NR2C2: variants seen among roughly 807,000 people sequenced by gnomAD.
NR2C2 encodes Nuclear hormone receptor TR4.
In NR2C2, 6 loss-of-function variants were observed where a neutral mutation model predicts 62.9. That is an observed-to-expected ratio of 0.10 (90% CI 0.05 to 0.19). NR2C2 has a LOEUF of 0.19. Ranked by LOEUF, NR2C2 falls within the 10% of genes least tolerant of loss-of-function variation. The pLI is 1.00. For synonymous variants in NR2C2, 272 were observed against 273.8 expected, an observed-to-expected ratio of 0.99 and a Z score of 0.07; for missense variants, 479 against 762.7, an observed-to-expected ratio of 0.63 and a Z score of 4.38.
intron 11 of NR2C2, 36 bp from the exon 12 acceptor site, chr3:15,037,964 C>G: frequency 6.3e-7 from 1 of 1,596,048 alleles, no homozygotes; most frequent in Non-Finnish European, 8.5e-7. Context: ...ATTGTTCTTA[C>G]CAGCCTTTCT....
rs1324501457 is a variant in NR2C2, at chr3:15,043,282, A to C, written c.*274A>C. ...GTATTTAGAAATTCTCAAAGGGCAA[A>C]AAACAAAAAAAAAGGTTTTATAATG... On this transcript the variant is annotated 3_prime_UTR_variant, in exon 14 of 14. Coordinates refer to ENST00000425241, the MANE Select transcript of NR2C2 (RefSeq NM_001291694.2). The C allele has an allele frequency of 3.8e-6, 1 of 263,740 alleles. No individual in the cohort carries two copies. The highest frequency in any genetic ancestry group is 7.1e-6 in the Non-Finnish European group (1 of 141,332). The allele number at this position is 263,740 out of a possible 1,614,324, so 16.3% of individuals were successfully genotyped here.
chr3:15,023,552 C>T (rs2041736090), intron 6 of NR2C2, among the ~76,000 whole-genome samples: 1 of 152,232 alleles, frequency 6.6e-6, no homozygotes. Context: ...GTCAGAAATT[C>T]TCCTAGCCTT....
intron 1 of NR2C2, among the ~76,000 whole-genome samples, chr3:14,991,373 G>C (rs2040665648): frequency 6.6e-6 from 1 of 152,200 alleles, no homozygotes; most frequent in South Asian, 2.1e-4. Flanking sequence ...CACAAAGGGG[G>C]TTAATCTCTT....
intron 7 of NR2C2, among the ~76,000 whole-genome samples, chr3:15,024,960 C>A (rs2041780877): frequency 6.6e-6 from 1 of 152,218 alleles, no homozygotes; most frequent in African/African-American, 2.4e-5. Context: ...TACAGGGCAT[C>A]CTCTTTTGGG....
At chr3:15,007,887 T>A (rs1449800977) in intron 2 of NR2C2, among the ~76,000 whole-genome samples, 2 of 152,202 alleles carry the variant, frequency 1.3e-5, no homozygotes, top group African/African-American at 2.4e-5. Context: ...TTCATAGATA[T>A]ATAAATGGAG....
intron 1 of NR2C2, among the ~76,000 whole-genome samples, chr3:14,985,345 C>T (rs1034458533): frequency 2.6e-5 from 4 of 151,992 alleles, no homozygotes; most frequent in Admixed American, 2.0e-4. Flanking sequence ...TTAAAATCTT[C>T]GCCTAATCCA....
chr3:15,008,358 T>TA (rs1020288423), intron 2 of NR2C2, among the ~76,000 whole-genome samples: 1 of 151,434 alleles, frequency 6.6e-6, no homozygotes, highest in African/African-American at 2.4e-5. Context: ...GTCATCTCTA[T>TA]AAAAAATACA....
At chr3:15,038,232 C>T in intron 12 of NR2C2, 95 bp downstream of exon 12, 2 of 1,311,086 alleles carry the variant, frequency 1.5e-6, no homozygotes, top group Admixed American at 2.4e-5. Flanking sequence ...GTAGAAAGAG[C>T]CCTGCAGATT....
Position 15,037,209 on chromosome 3 carries a change from TTGTGTGTG to T in NR2C2, c.1373-767_1373-760del, listed in dbSNP as rs373045181. On this transcript the variant is annotated intron_variant, in intron 11 of 13. Coordinates refer to ENST00000425241, the MANE Select transcript of NR2C2 (RefSeq NM_001291694.2). Reference sequence around the variant, plus strand: ...TTTTTGTTGTGTTATTGTTTTTTGTTTGTGTGTGTGTGTGTGTGTGTGTGTGTGTGTTT... The same window carrying T: ...TTTTTGTTGTGTTATTGTTTTTTGTTTGTGTGTGTGTGTGTGTGTGTGTTT... Among the ~76,000 whole-genome samples the T allele has an allele frequency of 1.8e-3, 238 of 130,296 alleles. 1 individual carries two copies. Among genetic ancestry groups the T allele is most frequent in the African/African-American group, 6.0e-3 (203 of 33,882 alleles). 85.5% of individuals were successfully genotyped at this position (130,296 alleles called of 152,430 possible).
In NR2C2 at chr3:15,013,659, A is replaced by G. The variant is rs973869457; in HGVS notation, c.143A>G (p.Lys48Arg). 6.2e-7 allele frequency: 1 copy of G among 1,614,188 alleles called. No individual in the cohort carries two copies. Among genetic ancestry groups the G allele is most frequent in the Non-Finnish European group, 8.5e-7 (1 of 1,180,036 alleles). The change falls in exon 3 of 14, where the codon AAA becomes AGA. Residue 48 changes from lysine (K) to arginine (R), a missense_variant. Coordinates refer to ENST00000425241, the MANE Select transcript of NR2C2 (RefSeq NM_001291694.2). The stretch of plus-strand genomic sequence containing the variant: ...GCAGTGGACGCCTCCGGATCCCCCA[A>G]ACAGCAGTTCATCCTGACCAGCCCA... ...VTAVDASGSPKQQFILTSPDG... is the reference protein window; with the variant it reads ...VTAVDASGSPRQQFILTSPDG...
chr3:14,994,436 A>G (rs1406398342), intron 1 of NR2C2, among the ~76,000 whole-genome samples: 2 of 105,368 alleles, frequency 1.9e-5, no homozygotes, highest in South Asian at 5.8e-4. Context: ...TTGTTTATTC[A>G]TTCTTTTTTT....
intron 1 of NR2C2, chr3:14,948,449 A>G (rs890585419): frequency 2.0e-5 from 3 of 152,272 alleles, no homozygotes; most frequent in Non-Finnish European, 2.9e-5. Context: ...ATTGGCGCCC[A>G]GATAGGAGGG....
At chr3:15,003,373 C>T (rs1388344976) in intron 1 of NR2C2, among the ~76,000 whole-genome samples, 1 of 152,208 alleles carries the variant, frequency 6.6e-6, no homozygotes, top group African/African-American at 2.4e-5. Flanking sequence ...GTGGTCCTGA[C>T]AGGCTTTTCC....
intron 1 of NR2C2, among the ~76,000 whole-genome samples, chr3:15,000,698 T>G (rs1354565336): frequency 6.6e-6 from 1 of 152,184 alleles, no homozygotes; most frequent in Non-Finnish European, 1.5e-5. Flanking sequence ...ATTTTGTCAA[T>G]TTATGCAAAA....
At chr3:15,011,318 G>A (rs2041346654) in intron 2 of NR2C2, among the ~76,000 whole-genome samples, 1 of 152,116 alleles carries the variant, frequency 6.6e-6, no homozygotes, top group South Asian at 2.1e-4. Context: ...CAGCCTGGGT[G>A]ACAAAGCGAG....
intron 13 of NR2C2, among the ~76,000 whole-genome samples, chr3:15,040,889 C>T (rs540190825): frequency 6.6e-6 from 1 of 152,346 alleles, no homozygotes; most frequent in Non-Finnish European, 1.5e-5. Context: ...CCTGCTCCCC[C>T]ACAGTTCCCA....
At chr3:14,978,811 T>G (rs2040280855) in intron 1 of NR2C2, among the ~76,000 whole-genome samples, 1 of 152,180 alleles carries the variant, frequency 6.6e-6, no homozygotes, top group South Asian at 2.1e-4. Context: ...CTGGGACCTC[T>G]TTGGTTCACT....
intron 8 of NR2C2, among the ~76,000 whole-genome samples, chr3:15,030,018 A>G (rs995880811): frequency 2.6e-5 from 4 of 152,164 alleles, no homozygotes; most frequent in Non-Finnish European, 5.9e-5. Context: ...TGATGTGTAG[A>G]TAATACATAC....
chr3:14,948,977 G>C (rs1295211168), intron 1 of NR2C2, among the ~76,000 whole-genome samples: 1 of 152,214 alleles, frequency 6.6e-6, no homozygotes, highest in Non-Finnish European at 1.5e-5. Context: ...AGAGTCACTT[G>C]AAAATGGTGT....
Sources: gnomAD v4.1 joint callset for allele counts (sites outside exome capture counted in the v4.1 genomes callset) on GRCh38, gnomAD v4.1.1 for gene constraint, MANE v1.5 for transcripts, NCBI Gene and HGNC (gene_info 2026-07-23, HGNC 2026-07-21) for gene names.